The following SLC75A1 variants were observed in gnomAD, a reference collection of about 807,000 sequenced individuals.
SLC75A1 encodes solute carrier family 75 member 1.
chr4:2,932,545 G>C, the SLC75A1 span: 2 of 1,612,868 alleles, frequency 1.2e-6, no homozygotes, highest in South Asian at 2.2e-5. Flanking sequence ...TGCACAGGGA[G>C]ACCCAGGCCC....
the SLC75A1 span, chr4:2,932,584 C>G: frequency 1.2e-6 from 2 of 1,613,028 alleles, no homozygotes; most frequent in Non-Finnish European, 1.7e-6. Flanking sequence ...CCCAAAGGCC[C>G]AGCCTGTGCA....
At chr4:2,932,114 G>T in the SLC75A1 span, 15 of 1,610,240 alleles carry the variant, frequency 9.3e-6, no homozygotes, top group African/African-American at 2.0e-4. Flanking sequence ...GGGCTGAGCA[G>T]ATCAGCCGCA....
chr4:2,931,583 G>T, the SLC75A1 span: 3 of 1,613,242 alleles, frequency 1.9e-6, no homozygotes, highest in Non-Finnish European at 2.5e-6. Flanking sequence ...TTCCCCGCCA[G>T]GGTGGATCCG....
chr4:2,930,689 G>A, the SLC75A1 span: 7 of 780,790 alleles, frequency 9.0e-6, no homozygotes, highest in Non-Finnish European at 4.1e-6. Context: ...AGTAAGTCTG[G>A]AGGAGCTGCC....
chr4:2,932,469 G>T, the SLC75A1 span: 1 of 1,613,754 alleles, frequency 6.2e-7, no homozygotes, highest in South Asian at 1.1e-5. Context: ...TCCGAGCATA[G>T]GGCCCAGGGT....
At chr4:2,931,193 C>T in the SLC75A1 span, 1 of 1,558,404 alleles carries the variant, frequency 6.4e-7, no homozygotes. Flanking sequence ...CCTTCTCCCG[C>T]TCAGGTGGCT....
chr4:2,931,103 C>G, the SLC75A1 span: 1 of 1,591,160 alleles, frequency 6.3e-7, no homozygotes. Flanking sequence ...GCCAGAGCAC[C>G]TAGGCTGCGC....
the SLC75A1 span, chr4:2,933,166 C>T: frequency 5.4e-5 from 87 of 1,613,714 alleles, no homozygotes; most frequent in African/African-American, 6.9e-4. Context: ...CAGTGAGTGG[C>T]GCACACAGAA....
the SLC75A1 span, chr4:2,931,579 G>T: frequency 3.1e-6 from 5 of 1,612,868 alleles, no homozygotes; most frequent in Non-Finnish European, 4.2e-6. Flanking sequence ...CAACTTCCCC[G>T]CCAGGGTGGA....
chr4:2,931,266 C>T, the SLC75A1 span: 44 of 1,558,248 alleles, frequency 2.8e-5, no homozygotes, highest in South Asian at 1.1e-4. Flanking sequence ...GGCACCACAA[C>T]GGCGGCGGCT....
chr4:2,933,035 A>C, the SLC75A1 span: 7 of 1,470,278 alleles, frequency 4.8e-6, no homozygotes, highest in Non-Finnish European at 6.6e-6. Context: ...CCCTCTCCCC[A>C]CCTAACCCCA....
At chr4:2,933,557 C>A in the SLC75A1 span, 1 of 1,613,592 alleles carries the variant, frequency 6.2e-7, no homozygotes, top group African/African-American at 1.3e-5. Flanking sequence ...GGGCACAGAG[C>A]CAGCCATACC....
chr4:2,932,634 T>A, the SLC75A1 span: 1 of 1,612,982 alleles, frequency 6.2e-7, no homozygotes, highest in Non-Finnish European at 8.5e-7. Flanking sequence ...CGAGCCCAGG[T>A]CAGCAACGAT....
At chr4:2,931,427 G>C in the SLC75A1 span, 1 of 1,556,842 alleles carries the variant, frequency 6.4e-7, no homozygotes, top group East Asian at 2.4e-5. Flanking sequence ...AACGTCCCCA[G>C]CCGATGAGGA....
the SLC75A1 span, chr4:2,930,830 T>G: frequency 6.2e-7 from 1 of 1,612,756 alleles, no homozygotes; most frequent in Non-Finnish European, 8.5e-7. Flanking sequence ...CTGGGCACAG[T>G]GGCTCAGCTA....
chr4:2,931,564 G>C, the SLC75A1 span: 1 of 1,612,428 alleles, frequency 6.2e-7, no homozygotes, highest in South Asian at 1.1e-5. Context: ...CCCGCTTCAC[G>C]GCAGCAACTT....
the SLC75A1 span, chr4:2,934,111 C>T: frequency 2.6e-5 from 17 of 649,044 alleles, no homozygotes; most frequent in African/African-American, 2.9e-4. Flanking sequence ...CGCCCCGAAC[C>T]CAGGCAGCAG....
the SLC75A1 span, chr4:2,931,137 C>T: frequency 1.3e-6 from 2 of 1,569,650 alleles, no homozygotes; most frequent in African/African-American, 2.7e-5. Context: ...CCGTGCCCTT[C>T]TGCCCTGGTG....
At chr4:2,932,809 G>A in the SLC75A1 span, 1 of 1,523,444 alleles carries the variant, frequency 6.6e-7, no homozygotes, top group African/African-American at 1.4e-5. Flanking sequence ...AAGGCCAGGA[G>A]TGGCTCAGAG....
Sources: allele counts gnomAD v4.1 joint callset, GRCh38; gene constraint gnomAD v4.1.1; transcripts MANE v1.5; gene names NCBI Gene and HGNC (gene_info 2026-07-23, HGNC 2026-07-21).